Variants in PRKCA observed in about 807,000 individuals in gnomAD.
PRKCA encodes the protein protein kinase C alpha type.
A neutral mutation model predicts 87.0 loss-of-function variants in PRKCA; 27 were observed. The ratio of observed to expected loss-of-function variants is 0.31; its 90% CI spans 0.23 to 0.43. PRKCA has a LOEUF of 0.43. Ranked by LOEUF, PRKCA falls within the 20% of genes least tolerant of loss-of-function variation. The probability of loss-of-function intolerance (pLI) is 1.00; values close to 1 mark genes in which losing one functional copy is unlikely to be tolerated. For synonymous variants in PRKCA, 329 were observed against 311.1 expected (o/e 1.06, Z -0.61); for missense variants, 518 against 852.3 (o/e 0.61, Z 4.88).
intron 5 of PRKCA, among the ~76,000 whole-genome samples, chr17:66,681,334 A>T (rs1288553557): frequency 6.6e-6 from 1 of 152,038 alleles, no homozygotes; most frequent in Non-Finnish European, 1.5e-5. Context: ...ATTTTTTTTT[A>T]ATTGCAAATT....
At position 66,793,818 on chromosome 17, in the gene PRKCA, G is replaced by A. The variant is rs56396147; in HGVS notation, c.1854+4839G>A. On this transcript the variant is annotated intron_variant, in intron 16 of 16. Coordinates refer to ENST00000413366, the MANE Select transcript of PRKCA (RefSeq NM_002737.3). ...CAACCAGAAGGCTCACCGAGGGAAGGAAAGCACTTTCGGCTTTGCCAGAAA... is the reference window on the plus strand; with the variant it reads ...CAACCAGAAGGCTCACCGAGGGAAGAAAAGCACTTTCGGCTTTGCCAGAAA... Among the ~76,000 whole-genome samples the A allele has an allele frequency of 5.6e-3, 857 of 152,244 alleles. 4 individuals are homozygous for A. The highest frequency in any genetic ancestry group is 9.3e-3 in the Non-Finnish European group (631 of 68,020).
chr17:66,657,643 G>A (rs550933779), intron 5 of PRKCA, among the ~76,000 whole-genome samples: 10 of 152,124 alleles, frequency 6.6e-5, no homozygotes, highest in South Asian at 2.1e-4. Context: ...AAGAACTCTC[G>A]TGGAAGAACT....
chr17:66,303,159 C>T (rs1358710946), intron 1 of PRKCA, 135 bp downstream of exon 1: 2 of 1,208,338 alleles, frequency 1.7e-6, no homozygotes, highest in Non-Finnish European at 2.2e-6. Flanking sequence ...ACTCTTCGCC[C>T]GGAGTGACAC....
intron 3 of PRKCA, among the ~76,000 whole-genome samples, chr17:66,506,588 A>G (rs1916990957): frequency 6.6e-6 from 1 of 152,178 alleles, no homozygotes; most frequent in African/African-American, 2.4e-5. Flanking sequence ...TTGAATATTT[A>G]CAGCTGTGCG....
At chr17:66,568,198 C>T (rs1030250583) in intron 3 of PRKCA, among the ~76,000 whole-genome samples, 1 of 152,096 alleles carries the variant, frequency 6.6e-6, no homozygotes, top group Non-Finnish European at 1.5e-5. Context: ...CCTGTAATCC[C>T]AGCTGCTAGG....
intron 5 of PRKCA, among the ~76,000 whole-genome samples, chr17:66,673,832 C>T (rs149215007): frequency 6.6e-6 from 1 of 152,216 alleles, no homozygotes; most frequent in Non-Finnish European, 1.5e-5. Context: ...CTTTCTGACC[C>T]ATTTTTCCTG....
intron 13 of PRKCA, among the ~76,000 whole-genome samples, chr17:66,748,916 G>A (rs578012005): frequency 7.1e-4 from 108 of 152,204 alleles, no homozygotes; most frequent in African/African-American, 2.2e-3. Context: ...AGGAGGAAGG[G>A]GAGGGGCACA....
At chr17:66,653,333 C>A (rs1374137351) in intron 5 of PRKCA, among the ~76,000 whole-genome samples, 1 of 152,198 alleles carries the variant, frequency 6.6e-6, no homozygotes, top group African/African-American at 2.4e-5. Context: ...GTGACTCATT[C>A]CTGTAGTCCC....
At chr17:66,482,098 C>CA (rs58719328) in intron 2 of PRKCA, among the ~76,000 whole-genome samples, 10,223 of 89,182 alleles carry the variant, frequency 0.11, 1,231 homozygotes, top group African/African-American at 0.31. Flanking sequence ...AAGACTGTCT[C>CA]AAAAAAAAAA....
At chr17:66,707,279 C>G (rs1261782570) in intron 8 of PRKCA, among the ~76,000 whole-genome samples, 1 of 152,202 alleles carries the variant, frequency 6.6e-6, no homozygotes, top group African/African-American at 2.4e-5. Flanking sequence ...AAAGACTACT[C>G]ACTTGCCAGA....
At chr17:66,603,272 C>G (rs79151612) in intron 3 of PRKCA, among the ~76,000 whole-genome samples, 3 of 152,222 alleles carry the variant, frequency 2.0e-5, no homozygotes, top group South Asian at 4.1e-4. Context: ...CTTTCCTGAA[C>G]GCGTCATCTC....
chr17:66,694,086 G>A (rs1336909655), intron 8 of PRKCA, among the ~76,000 whole-genome samples: 1 of 152,186 alleles, frequency 6.6e-6, no homozygotes, highest in Non-Finnish European at 1.5e-5. Context: ...TGTTGTCAGG[G>A]AAGTAAATAT....
chr17:66,648,104 C>T (rs964231444), intron 5 of PRKCA, among the ~76,000 whole-genome samples: 1 of 152,178 alleles, frequency 6.6e-6, no homozygotes, highest in African/African-American at 2.4e-5. Flanking sequence ...TCATAGATGG[C>T]ACTTCTCACT....
intron 5 of PRKCA, among the ~76,000 whole-genome samples, chr17:66,670,666 G>A (rs1038920116): frequency 6.6e-6 from 1 of 151,906 alleles, no homozygotes; most frequent in African/African-American, 2.4e-5. Context: ...ATTGAAGATG[G>A]GCCTGGACAT....
At position 66,810,535 on chromosome 17, in the gene PRKCA, T is replaced by C. The variant is rs1171760866; in HGVS notation, c.*6498T>C. On this transcript the variant is annotated 3_prime_UTR_variant, in exon 17 of 17. Transcript: ENST00000413366. The stretch of plus-strand genomic sequence containing the variant: ...AGACGGAGGTTGAGGTTTTTCCTTC[T>C]GTATAAGCACCTACTGACAAAATGT... The C allele has an allele frequency of 6.6e-6, 1 of 152,226 alleles. No homozygotes were observed. Among genetic ancestry groups the C allele is most frequent in the Non-Finnish European group, 1.5e-5 (1 of 68,042 alleles). 9.4% of individuals were successfully genotyped at this position (152,226 alleles called of 1,614,324 possible). A position where few individuals can be genotyped will look rare whatever the true frequency, so the allele number is the denominator to read the frequency against.
chr17:66,485,142 T>C (rs1168482672), intron 2 of PRKCA, among the ~76,000 whole-genome samples: 1 of 152,140 alleles, frequency 6.6e-6, no homozygotes, highest in African/African-American at 2.4e-5. Context: ...GTTACCTTCA[T>C]ACCTTATAGG....
At chr17:66,648,443 G>A (rs1342484987) in intron 5 of PRKCA, among the ~76,000 whole-genome samples, 2 of 152,272 alleles carry the variant, frequency 1.3e-5, no homozygotes, top group East Asian at 3.9e-4. Context: ...ATGAAGAAAC[G>A]GAGATACAAG....
intron 2 of PRKCA, among the ~76,000 whole-genome samples, chr17:66,330,227 T>A (rs1906246588): frequency 1.3e-5 from 2 of 151,684 alleles, no homozygotes; most frequent in African/African-American, 4.8e-5. Context: ...TGCCTTAGCC[T>A]CCCAACTAGC....
chr17:66,539,562 T>TGC (rs1967911340), intron 3 of PRKCA, among the ~76,000 whole-genome samples: 1 of 151,778 alleles, frequency 6.6e-6, no homozygotes, highest in African/African-American at 2.4e-5. Flanking sequence ...CGCCACCACA[T>TGC]CCAGCTAATT....
Sources: allele counts gnomAD v4.1 joint callset (sites outside exome capture counted in the v4.1 genomes callset), GRCh38; gene constraint gnomAD v4.1.1; transcripts MANE v1.5; gene names NCBI Gene and HGNC (gene_info 2026-07-23, HGNC 2026-07-21).